CHD9: variants seen among roughly 807,000 people sequenced by gnomAD.
CHD9 encodes ATP-dependent chromatin remodeler CHD9.
A neutral mutation model predicts 316.1 loss-of-function variants in CHD9; 77 were observed. That is an observed-to-expected ratio of 0.24 (90% CI 0.20 to 0.29). The LOEUF (loss-of-function observed/expected upper bound fraction) is 0.29. Ranked by LOEUF, CHD9 falls within the 10% of genes least tolerant of loss-of-function variation. CHD9 has a pLI of 1.00. For missense variants in CHD9, 2,763 were observed against 3,438.1 expected, an observed-to-expected ratio of 0.80 and a Z score of 4.91; for synonymous variants, 1,129 against 1,158.3, an observed-to-expected ratio of 0.97 and a Z score of 0.51.
chr16:53,268,892 T>A (rs973489262), intron 22 of CHD9, among the ~76,000 whole-genome samples: 6 of 152,174 alleles, frequency 3.9e-5, no homozygotes, highest in Non-Finnish European at 1.5e-5. Flanking sequence ...AGCCTCAACC[T>A]CCTGGGCTTA....
chr16:53,308,518 T>C (rs918589476), intron 33 of CHD9, among the ~76,000 whole-genome samples, 168 bp from the exon 34 acceptor site: 2 of 152,162 alleles, frequency 1.3e-5, no homozygotes, highest in African/African-American at 2.4e-5. Flanking sequence ...ATTATAGAAA[T>C]TGATTTAAAA....
In CHD9 at chr16:53,308,669, T is replaced by C; in HGVS notation, c.7054-17T>C. On this transcript the variant is annotated splice_polypyrimidine_tract_variant and intron_variant, in intron 33 of 38. Coordinates refer to ENST00000447540, the MANE Select transcript of CHD9 (RefSeq NM_001308319.2). ...TTTTTAACAGTTTCTGTCTTAATAA[T>C]GGTATTTGTTTAACAGGAAGGTGGT... The C allele has an allele frequency of 6.3e-7, 1 of 1,592,840 alleles. No individual in the cohort carries two copies. Among genetic ancestry groups the C allele is most frequent in the Non-Finnish European group, 8.6e-7 (1 of 1,163,742 alleles).
At chr16:53,255,807 TAGC>T in intron 19 of CHD9, 28 bp downstream of exon 19, 1 of 1,596,774 alleles carries the variant, frequency 6.3e-7, no homozygotes, top group Non-Finnish European at 8.6e-7. Flanking sequence ...TTTATTAACA[TAGC>T]AGTGATGTTC....
intron 27 of CHD9, 131 bp from the exon 28 acceptor site, chr16:53,291,594 C>A: frequency 1.7e-6 from 1 of 578,400 alleles, no homozygotes; most frequent in East Asian, 3.2e-5. Context: ...TTTATTTTTG[C>A]TAAATTAATT....
chr16:53,219,226 G>A (rs1173962623), intron 3 of CHD9, among the ~76,000 whole-genome samples: 3 of 152,064 alleles, frequency 2.0e-5, no homozygotes, highest in Admixed American at 2.0e-4. Flanking sequence ...ATTGGATTGG[G>A]TGCATATTGA....
Position 53,245,932 on chromosome 16 carries a change from T to G in CHD9, c.3454+82T>G. 49 of 947,324 alleles carry G rather than the reference T, an allele frequency of 5.2e-5. No individual in the cohort carries two copies. Among genetic ancestry groups the G allele is most frequent in the Non-Finnish European group, 6.9e-5 (47 of 679,368 alleles). 58.7% of individuals were successfully genotyped at this position (947,324 alleles called of 1,614,324 possible). On this transcript the variant is annotated intron_variant, in intron 15 of 38. Coordinates refer to ENST00000447540, the MANE Select transcript of CHD9 (RefSeq NM_001308319.2). This position sits in a 1 kb window ranked among gnomAD's most constrained non-coding sequence, Gnocchi z 4.1. ...AAATAAACAGAACACACTACAGCTG[T>G]AGTGGCTGTTATGACTCTCCACTGT...
Position 53,304,326 on chromosome 16 carries a change from C to T in CHD9, c.6320C>T (p.Ala2107Val). The T allele has an allele frequency of 6.2e-7, 1 of 1,612,484 alleles. No individual in the cohort carries two copies. The highest frequency in any genetic ancestry group is 1.6e-4 in the Middle Eastern group (1 of 6,062). Residue 2107 changes from alanine to valine, a missense_variant, in exon 31 of 39, where the codon GCC becomes GTC. This residue lies in a region of CHD9 where 663 missense variants were observed against 751.2 expected (regional missense o/e 0.88). Coordinates refer to ENST00000447540, the MANE Select transcript of CHD9 (RefSeq NM_001308319.2). ...KCETDRRMVA[A>V]RTEPLTPNPA... ...GAAACAGACAGACGCATGGTTGCAG[C>T]CAGAACAGAACCCCTAACTCCAAAC...
intron 1 of CHD9, among the ~76,000 whole-genome samples, chr16:53,104,232 T>G (rs980071237): frequency 3.3e-5 from 5 of 152,250 alleles, no homozygotes; most frequent in Non-Finnish European, 7.3e-5. Context: ...CATTTTCAGT[T>G]AAAGAATGTT....
At position 53,268,125 on chromosome 16, in the gene CHD9, A is replaced by G; in HGVS notation, c.4716A>G (p.Leu1572=). The G allele has an allele frequency of 6.3e-7, 1 of 1,593,526 alleles. No individual in the cohort carries two copies. Among genetic ancestry groups the G allele is most frequent in the Non-Finnish European group, 8.6e-7 (1 of 1,168,160 alleles). The change falls in exon 22 of 39, where the codon CTA becomes CTG. Residue 1572 remains leucine (L), a splice_region_variant and synonymous_variant. Transcript: ENST00000447540. ...AGACACGAGAGCTACAGAATCATCT[A>G]GGTAAGAACATTGTTTCATTTGCTT... ...DGQTRELQNH[L]GLSAPVPRGR...
At chr16:53,255,841 G>A in intron 19 of CHD9, 62 bp downstream of exon 19, 1 of 1,436,894 alleles carries the variant, frequency 7.0e-7, no homozygotes, top group Non-Finnish European at 9.7e-7. Context: ...TACTGAGAAA[G>A]TTTAATTATC....
intron 2 of CHD9, among the ~76,000 whole-genome samples, chr16:53,203,967 T>TGAGCCGA (rs575380158): frequency 7.7e-4 from 100 of 129,100 alleles, no homozygotes; most frequent in African/African-American, 2.9e-3. Flanking sequence ...GAGCTTGCAG[T>TGAGCCGA]GAGCCGAGAT....
intron 5 of CHD9, 105 bp from the exon 6 acceptor site, chr16:53,227,291 G>C (rs2047740148): frequency 1.5e-6 from 1 of 686,860 alleles, no homozygotes; most frequent in African/African-American, 1.9e-5. Flanking sequence ...CATATATGCT[G>C]TATAAATATT....
chr16:53,175,979 G>C (rs890304714), intron 2 of CHD9, among the ~76,000 whole-genome samples: 1 of 152,202 alleles, frequency 6.6e-6, no homozygotes, highest in Non-Finnish European at 1.5e-5. Context: ...TGTCGCCTTA[G>C]AATATGGGGA....
intron 31 of CHD9, 63 bp downstream of exon 31, chr16:53,304,688 CTTTTCTTTT>C: frequency 2.5e-6 from 2 of 795,080 alleles, no homozygotes; most frequent in Non-Finnish European, 3.4e-6. Context: ...CTTTTCTTTT[CTTTTCTTTT>C]TTTTTTTTTT....
intron 3 of CHD9, among the ~76,000 whole-genome samples, chr16:53,214,108 C>T (rs1044041299): frequency 3.9e-5 from 6 of 152,004 alleles, no homozygotes; most frequent in Admixed American, 1.3e-4. Flanking sequence ...TATTTGCCTC[C>T]AAGAAGAAAG....
At chr16:53,281,450 C>T (rs1488819832) in intron 24 of CHD9, among the ~76,000 whole-genome samples, 1 of 152,178 alleles carries the variant, frequency 6.6e-6, no homozygotes, top group African/African-American at 2.4e-5. Context: ...GCCATGATCT[C>T]ACAGTTAGAC....
chr16:53,097,336 T>G (rs2036458096), intron 1 of CHD9, among the ~76,000 whole-genome samples: 2 of 151,762 alleles, frequency 1.3e-5, no homozygotes, highest in African/African-American at 4.8e-5. Flanking sequence ...TTATCAACAA[T>G]TCCTCTAACC....
At chr16:53,301,458 T>C (rs1051921003) in intron 30 of CHD9, among the ~76,000 whole-genome samples, 21 of 152,224 alleles carry the variant, frequency 1.4e-4, no homozygotes, top group African/African-American at 3.9e-4. Flanking sequence ...TAAGTATTTA[T>C]GTCCTCACAA....
At chr16:53,159,397 A>T (rs2041754525) in intron 2 of CHD9, among the ~76,000 whole-genome samples, 1 of 152,224 alleles carries the variant, frequency 6.6e-6, no homozygotes, top group Non-Finnish European at 1.5e-5. Flanking sequence ...TAAAAAATTA[A>T]TGTAATATTT....
Sources: gnomAD v4.1 joint callset for allele counts (sites outside exome capture counted in the v4.1 genomes callset) on GRCh38, gnomAD v4.1.1 for gene constraint, gnomAD v4.1.1 regional missense constraint, Gnocchi (gnomAD v3.1) non-coding constraint, MANE v1.5 for transcripts, NCBI Gene and HGNC (gene_info 2026-07-23, HGNC 2026-07-21) for gene names.